AQP9: variants seen among roughly 807,000 people sequenced by gnomAD.
AQP9 encodes the protein aquaporin 9.
AQP9 carries 19 observed loss-of-function variants against 23.8 expected under a neutral mutation model. The ratio of observed to expected loss-of-function variants is 0.80; its 90% CI spans 0.56 to 1.17. The LOEUF (loss-of-function observed/expected upper bound fraction) is 1.17, where lower values mean the gene tolerates loss of function less well. Among genes scored for constraint, AQP9 ranks in the 50% most tolerant of loss-of-function variants. The pLI, the probability that AQP9 is intolerant of heterozygous loss-of-function variation, is 0.00. For missense variants in AQP9, 413 were observed against 362.0 expected (o/e 1.14, Z -1.14); for synonymous variants, 153 against 131.5 (o/e 1.16, Z -1.12).
chr15:58,153,802 C>T (rs1898195320), intron 1 of AQP9: 1 of 152,074 alleles, frequency 6.6e-6, no homozygotes, highest in Admixed American at 6.6e-5. Context: ...TACACCAACG[C>T]CTGAGCCCTT....
chr15:58,165,710 G>T (rs1898485854), intron 1 of AQP9, among the ~76,000 whole-genome samples: 1 of 151,818 alleles, frequency 6.6e-6, no homozygotes, highest in East Asian at 1.9e-4. Context: ...CTACTGACTG[G>T]ATGTACCATC....
intron 1 of AQP9, 65 bp from the exon 2 acceptor site, chr15:58,166,608 T>G: frequency 1.9e-4 from 293 of 1,524,222 alleles, no homozygotes; most frequent in Non-Finnish European, 2.3e-4. Context: ...CTTGCTACTG[T>G]GAGTTTCCAT....
chr15:58,150,856 TCAAA>T (rs1282917964), intron 1 of AQP9: 2 of 152,190 alleles, frequency 1.3e-5, no homozygotes, highest in Admixed American at 6.5e-5. Context: ...CATGAGCCCT[TCAAA>T]CAAACAACCT....
intron 4 of AQP9, among the ~76,000 whole-genome samples, chr15:58,176,526 G>T (rs1898757611): frequency 6.6e-6 from 1 of 151,856 alleles, no homozygotes; most frequent in East Asian, 1.9e-4. Flanking sequence ...TAGGAAACTG[G>T]AGTATAGCGA....
intron 1 of AQP9, among the ~76,000 whole-genome samples, chr15:58,145,763 C>G (rs1898033612): frequency 6.6e-6 from 1 of 152,144 alleles, no homozygotes; most frequent in African/African-American, 2.4e-5. Context: ...ACTACTTTCT[C>G]TTGGGTTCTG....
intron 1 of AQP9, among the ~76,000 whole-genome samples, chr15:58,148,711 T>C (rs752485294): frequency 6.6e-6 from 1 of 152,130 alleles, no homozygotes; most frequent in Non-Finnish European, 1.5e-5. Flanking sequence ...TTGGGATGAG[T>C]TGAGGGATGT....
At chr15:58,166,605 C>T in intron 1 of AQP9, 68 bp from the exon 2 acceptor site, 1 of 1,524,644 alleles carries the variant, frequency 6.6e-7, no homozygotes, top group Non-Finnish European at 8.8e-7. Context: ...ATACTTGCTA[C>T]TGTGAGTTTC....
intron 1 of AQP9, among the ~76,000 whole-genome samples, chr15:58,159,287 T>G (rs1898324715): frequency 6.6e-6 from 1 of 150,988 alleles, no homozygotes; most frequent in Non-Finnish European, 1.5e-5. Flanking sequence ...TAAGTTGGGT[T>G]TTTTTTTTAG....
intron 5 of AQP9, among the ~76,000 whole-genome samples, chr15:58,180,416 A>G (rs1566991615): frequency 6.6e-6 from 1 of 152,216 alleles, no homozygotes; most frequent in African/African-American, 2.4e-5. Context: ...ACCACCACAG[A>G]TAGCACTCAG....
chr15:58,162,225 T>A lies in AQP9; in HGVS notation c.112-4448T>A, dbSNP rs149176236. On this transcript the variant is annotated intron_variant, in intron 1 of 5. Transcript: ENST00000219919. ...ACTGACAACGTAGAGCTTACCCAAGTGAGACTCACTGGGAGTCCGAGGAGA... is the reference window on the plus strand; with the variant it reads ...ACTGACAACGTAGAGCTTACCCAAGAGAGACTCACTGGGAGTCCGAGGAGA... 4.6e-3 allele frequency among the ~76,000 whole-genome samples: 700 copies of A among 152,306 alleles called. 4 individuals are homozygous for A. The highest frequency in any genetic ancestry group is 0.016 in the African/African-American group (672 of 41,572).
chr15:58,158,326 T>G (rs895923041), intron 1 of AQP9, among the ~76,000 whole-genome samples: 1 of 152,188 alleles, frequency 6.6e-6, no homozygotes, highest in Admixed American at 6.5e-5. Flanking sequence ...TTCGGGCCTC[T>G]GACTAAAACA....
Position 58,175,529 on chromosome 15 carries a change from C to G in AQP9, c.495+493C>G, listed in dbSNP as rs866553209. ...GTATCTCTGCTTATTGACCTTTAAACAAGCTTCTAGCACCCAAGCATACTG... is the reference window on the plus strand; with the variant it reads ...GTATCTCTGCTTATTGACCTTTAAAGAAGCTTCTAGCACCCAAGCATACTG... On this transcript the variant is annotated intron_variant, in intron 4 of 5. Coordinates refer to ENST00000219919, the MANE Select transcript of AQP9 (RefSeq NM_020980.5). Among the ~76,000 whole-genome samples, 10 of 152,216 alleles carry G rather than the reference C, an allele frequency of 6.6e-5. 1 individual carries two copies. Among genetic ancestry groups the G allele is most frequent in the Non-Finnish European group, 1.3e-4 (9 of 68,044 alleles).
At chr15:58,182,440 T>G (rs10851634) in intron 5 of AQP9, among the ~76,000 whole-genome samples, 137,097 of 152,236 alleles carry the variant, frequency 0.9, 62,196 homozygotes, top group Non-Finnish European at 0.96. Context: ...TCTGATAAAA[T>G]AAAAAGCATC....
intron 2 of AQP9, among the ~76,000 whole-genome samples, chr15:58,172,226 T>A (rs375712460): frequency 1.3e-3 from 191 of 152,308 alleles, no homozygotes; most frequent in African/African-American, 4.5e-3. Context: ...AGTTTTCTCA[T>A]CCGTTAACTG....
intron 1 of AQP9, among the ~76,000 whole-genome samples, chr15:58,147,717 T>C (rs1273313732): frequency 1.3e-5 from 2 of 152,122 alleles, no homozygotes; most frequent in African/African-American, 4.8e-5. Flanking sequence ...GAAAACCCTA[T>C]GCTTCTATCA....
chr15:58,159,215 C>T (rs1211779195), intron 1 of AQP9, among the ~76,000 whole-genome samples: 1 of 152,078 alleles, frequency 6.6e-6, no homozygotes, highest in Non-Finnish European at 1.5e-5. Flanking sequence ...CCAGCAGTCC[C>T]ACTTGGTATT....
chr15:58,174,825 C>T (rs1441250412), intron 3 of AQP9, 93 bp from the exon 4 acceptor site: 39 of 1,036,328 alleles, frequency 3.8e-5, no homozygotes, highest in Non-Finnish European at 5.6e-5. Context: ...CAAGCTCAAT[C>T]TGAGTGACTG....
chr15:58,139,778 C>T (rs1389935411), intron 1 of AQP9, among the ~76,000 whole-genome samples: 3 of 152,140 alleles, frequency 2.0e-5, no homozygotes, highest in Non-Finnish European at 4.4e-5. Flanking sequence ...CTCTGAGAAA[C>T]ACATTAGACC....
intron 1 of AQP9, among the ~76,000 whole-genome samples, chr15:58,145,978 G>T (rs576382061): frequency 6.6e-6 from 1 of 152,226 alleles, no homozygotes. Flanking sequence ...TGTTATTGCT[G>T]TTCACAAGTC....
Sources: gnomAD v4.1 joint callset for allele counts (sites outside exome capture counted in the v4.1 genomes callset) on GRCh38, gnomAD v4.1.1 for gene constraint, MANE v1.5 for transcripts, NCBI Gene and HGNC (gene_info 2026-07-23, HGNC 2026-07-21) for gene names.